Variants in EEPD1 observed in about 807,000 individuals in gnomAD.
EEPD1 encodes endonuclease/exonuclease/phosphatase family domain-containing protein 1.
In EEPD1, 17 loss-of-function variants were observed where a neutral mutation model predicts 46.3. The ratio of observed to expected loss-of-function variants is 0.37; its 90% confidence interval spans 0.25 to 0.55. The LOEUF (loss-of-function observed/expected upper bound fraction) is 0.55, where lower values mean the gene tolerates loss of function less well. EEPD1 is among the 20% of genes least tolerant of loss of function. The pLI is 0.83. For synonymous variants in EEPD1, 313 were observed against 315.6 expected (o/e 0.99, Z 0.09); for missense variants, 673 against 745.6 (o/e 0.90, Z 1.13).
At chr7:36,192,876 G>T (rs942876586) in intron 2 of EEPD1, among the ~76,000 whole-genome samples, 1 of 152,242 alleles carries the variant, frequency 6.6e-6, no homozygotes, top group African/African-American at 2.4e-5. Context: ...TAGCCTGGTT[G>T]GGCTGCATGT....
chr7:36,215,338 C>T (rs1323761052), intron 2 of EEPD1, among the ~76,000 whole-genome samples: 1 of 152,200 alleles, frequency 6.6e-6, no homozygotes, highest in East Asian at 1.9e-4. Context: ...TTTGGCGGGG[C>T]TGGGGGCTGC....
intron 3 of EEPD1, among the ~76,000 whole-genome samples, chr7:36,267,340 C>T (rs1304541653): frequency 6.6e-6 from 1 of 152,188 alleles, no homozygotes. Flanking sequence ...ATGGCCAGGC[C>T]TCTGCAAGAT....
intron 3 of EEPD1, among the ~76,000 whole-genome samples, chr7:36,280,860 A>G (rs1583477208): frequency 6.6e-6 from 1 of 152,184 alleles, no homozygotes; most frequent in East Asian, 1.9e-4. Flanking sequence ...GAGAGAATCA[A>G]TTTCTGTGAA....
At chr7:36,164,519 A>G (rs962773524) in intron 2 of EEPD1, among the ~76,000 whole-genome samples, 2 of 152,214 alleles carry the variant, frequency 1.3e-5, no homozygotes, top group African/African-American at 2.4e-5. Context: ...GATAACATCT[A>G]TTATGTTTTT....
chr7:36,234,867 C>G (rs894267462), intron 2 of EEPD1, among the ~76,000 whole-genome samples: 1 of 151,958 alleles, frequency 6.6e-6, no homozygotes, highest in Admixed American at 6.6e-5. Flanking sequence ...CCCCTTGGAG[C>G]TCTCATGCTT....
chr7:36,165,586 A>ATTTATTTATTT (rs1784969546), intron 2 of EEPD1, among the ~76,000 whole-genome samples: 1 of 134,630 alleles, frequency 7.4e-6, no homozygotes. Flanking sequence ...CGCCCCAGCT[A>ATTTATTTATTT]ATTTATTTAT....
chr7:36,187,948 C>T (rs1381627711), intron 2 of EEPD1, among the ~76,000 whole-genome samples: 1 of 152,172 alleles, frequency 6.6e-6, no homozygotes, highest in Non-Finnish European at 1.5e-5. Context: ...CAGGCACGTG[C>T]CACCACGCCC....
At chr7:36,169,709 G>C (rs889944467) in intron 2 of EEPD1, among the ~76,000 whole-genome samples, 1 of 152,134 alleles carries the variant, frequency 6.6e-6, no homozygotes, top group East Asian at 1.9e-4. Flanking sequence ...TTTGTAATAG[G>C]AAAAAGTACC....
At position 36,193,328 on chromosome 7, in the gene EEPD1, G is replaced by C. The variant is rs553680267; in HGVS notation, c.878+38126G>C. ...CGAGAGGGAGAGTGTGCAGAAGCCT[G>C]GAGCCTGGAGAGGGGAGGAATGAAG... On this transcript the variant is annotated intron_variant, in intron 2 of 7. Coordinates refer to ENST00000242108, the MANE Select transcript of EEPD1 (RefSeq NM_030636.3). This position sits in a 1 kb window ranked among gnomAD's most constrained non-coding sequence, Gnocchi z 4.9. Among the ~76,000 whole-genome samples, 1 of 152,310 alleles carries C rather than the reference G, an allele frequency of 6.6e-6. No individual in the cohort carries two copies. Among genetic ancestry groups the C allele is most frequent in the South Asian group, 2.1e-4 (1 of 4,830 alleles).
At chr7:36,251,525 G>C (rs1786739112) in intron 3 of EEPD1, among the ~76,000 whole-genome samples, 1 of 152,196 alleles carries the variant, frequency 6.6e-6, no homozygotes, top group Non-Finnish European at 1.5e-5. Context: ...GGTCAGGCTG[G>C]TCTTGAACTC....
In EEPD1 at chr7:36,157,761, C is replaced by T. The variant is rs76441622; in HGVS notation, c.878+2559C>T. Reference sequence around the variant, plus strand: ...AACTAATGGACTCAGGGCCTGATCCCCTTCAGAGTAGGGTGAGTGCTTTGT... The same window carrying T: ...AACTAATGGACTCAGGGCCTGATCCTCTTCAGAGTAGGGTGAGTGCTTTGT... On this transcript the variant is annotated intron_variant, in intron 2 of 7. Transcript: ENST00000242108. 9.6e-3 allele frequency among the ~76,000 whole-genome samples: 1,463 copies of T among 152,240 alleles called. 18 individuals carry two copies. Among genetic ancestry groups the T allele is most frequent in the African/African-American group, 0.034 (1,399 of 41,528 alleles).
intron 3 of EEPD1, among the ~76,000 whole-genome samples, chr7:36,260,834 A>C (rs1170380637): frequency 6.6e-6 from 1 of 152,236 alleles, no homozygotes; most frequent in Non-Finnish European, 1.5e-5. Flanking sequence ...GAAAATATTC[A>C]AAAACGAAAA....
intron 2 of EEPD1, among the ~76,000 whole-genome samples, chr7:36,169,328 C>T (rs1785040586): frequency 6.6e-6 from 1 of 152,144 alleles, no homozygotes; most frequent in Admixed American, 6.5e-5. Context: ...TCCAGGGTGG[C>T]TGCACCATTT....
chr7:36,196,276 CTG>C (rs142652497), intron 2 of EEPD1, among the ~76,000 whole-genome samples: 6,980 of 152,152 alleles, frequency 0.046, 192 homozygotes, highest in East Asian at 0.11. Flanking sequence ...TTTATAAACA[CTG>C]TGCACATAGG....
At chr7:36,270,292 A>G (rs1787083211) in intron 3 of EEPD1, among the ~76,000 whole-genome samples, 1 of 152,172 alleles carries the variant, frequency 6.6e-6, no homozygotes, top group Admixed American at 6.5e-5. Context: ...TATTTATAGC[A>G]GGACATAAGC....
intron 2 of EEPD1, among the ~76,000 whole-genome samples, chr7:36,217,095 G>A (rs1786041758): frequency 6.6e-6 from 1 of 152,254 alleles, no homozygotes; most frequent in South Asian, 2.1e-4. Context: ...CAAGTCCATG[G>A]AGTAAAGTGA....
chr7:36,159,762 A>G (rs1242089324), intron 2 of EEPD1, among the ~76,000 whole-genome samples: 1 of 152,142 alleles, frequency 6.6e-6, no homozygotes, highest in African/African-American at 2.4e-5. Flanking sequence ...TTGTTCCTCT[A>G]AAGGATGGGG....
intron 4 of EEPD1, among the ~76,000 whole-genome samples, chr7:36,283,108 G>A (rs1234140919): frequency 1.3e-5 from 2 of 152,208 alleles, no homozygotes; most frequent in African/African-American, 2.4e-5. Context: ...GACCTAGTAA[G>A]ATGAAATGAT....
chr7:36,180,579 G>A (rs531436913), intron 2 of EEPD1, among the ~76,000 whole-genome samples: 11 of 152,270 alleles, frequency 7.2e-5, no homozygotes, highest in East Asian at 3.9e-4. Flanking sequence ...GAACACATTC[G>A]TGATTGGGGG....
Sources: gnomAD v4.1 joint callset for allele counts (sites outside exome capture counted in the v4.1 genomes callset) on GRCh38, gnomAD v4.1.1 for gene constraint, Gnocchi (gnomAD v3.1) non-coding constraint, MANE v1.5 for transcripts, NCBI Gene and HGNC (gene_info 2026-07-23, HGNC 2026-07-21) for gene names.